The following ROBO1 variants were observed in gnomAD, a reference collection of about 807,000 sequenced individuals.
ROBO1 encodes roundabout guidance receptor 1, also known as roundabout homolog 1.
In ROBO1, 149 loss-of-function variants were observed where a neutral mutation model predicts 195.9. The observed-to-expected ratio is 0.76, with a 90% CI of 0.67 to 0.87. ROBO1 has a LOEUF of 0.87. ROBO1 is among the 40% of genes least tolerant of loss of function. The probability of loss-of-function intolerance (pLI) is 0.00; values close to 1 mark genes in which losing one functional copy is unlikely to be tolerated. For missense variants in ROBO1, 1,933 were observed against 2,068.3 expected, an observed-to-expected ratio of 0.93 and a Z score of 1.27; for synonymous variants, 816 against 733.2, an observed-to-expected ratio of 1.11 and a Z score of -1.82.
intron 19 of ROBO1, among the ~76,000 whole-genome samples, chr3:78,650,776 A>G (rs1706597110): frequency 6.6e-6 from 1 of 152,200 alleles, no homozygotes; most frequent in Non-Finnish European, 1.5e-5. Flanking sequence ...TAATTTGTAT[A>G]ATCTGCCATT....
At chr3:78,906,389 T>C (rs2037921713) in intron 4 of ROBO1, among the ~76,000 whole-genome samples, 1 of 152,254 alleles carries the variant, frequency 6.6e-6, no homozygotes, top group East Asian at 1.9e-4. Flanking sequence ...AAAACCATCC[T>C]GACAGCCACT....
chr3:79,285,533 A>G (rs1260155528), intron 2 of ROBO1, among the ~76,000 whole-genome samples: 2 of 152,216 alleles, frequency 1.3e-5, no homozygotes, highest in African/African-American at 2.4e-5. Flanking sequence ...CTTGCCTGGT[A>G]TCCAGAGGCA....
At chr3:79,350,718 G>A (rs527429890) in intron 2 of ROBO1, among the ~76,000 whole-genome samples, 19 of 152,238 alleles carry the variant, frequency 1.2e-4, no homozygotes, top group Non-Finnish European at 8.8e-5. Context: ...TCATTTCTAC[G>A]AAGGGTTCAG....
intron 1 of ROBO1, among the ~76,000 whole-genome samples, chr3:79,716,426 C>T (rs188591996): frequency 1.3e-5 from 2 of 151,922 alleles, no homozygotes; most frequent in East Asian, 3.9e-4. Flanking sequence ...AGTTTTCAGA[C>T]TAGGTTTTAG....
intron 1 of ROBO1, among the ~76,000 whole-genome samples, chr3:79,718,835 A>G (rs979964524): frequency 2.0e-5 from 3 of 152,092 alleles, no homozygotes; most frequent in African/African-American, 7.2e-5. Flanking sequence ...TTATATATTT[A>G]TGGCTAAAAC....
chr3:79,172,364 C>G (rs1213876283), intron 2 of ROBO1, among the ~76,000 whole-genome samples: 1 of 152,044 alleles, frequency 6.6e-6, no homozygotes, highest in Non-Finnish European at 1.5e-5. Flanking sequence ...AAAAGTAAAA[C>G]ATTTTTATTG....
intron 1 of ROBO1, among the ~76,000 whole-genome samples, chr3:79,622,381 G>T (rs1339352902): frequency 2.0e-5 from 3 of 152,172 alleles, no homozygotes; most frequent in East Asian, 1.9e-4. Flanking sequence ...GGAACTCCTT[G>T]GGGGAGGGGT....
chr3:79,085,003 A>G (rs1190789248), intron 3 of ROBO1, among the ~76,000 whole-genome samples: 1 of 152,210 alleles, frequency 6.6e-6, no homozygotes, highest in African/African-American at 2.4e-5. Context: ...ATTTATAGCA[A>G]GCAATATTAG....
chr3:79,725,007 T>C (rs886143613), intron 1 of ROBO1, among the ~76,000 whole-genome samples: 11 of 152,104 alleles, frequency 7.2e-5, no homozygotes, highest in African/African-American at 2.7e-4. Flanking sequence ...CCTTGTAAGC[T>C]ATAGAAAGAT....
chr3:78,711,475 TTCTC>T (rs1264085792), intron 8 of ROBO1, among the ~76,000 whole-genome samples: 3 of 129,220 alleles, frequency 2.3e-5, no homozygotes, highest in African/African-American at 5.5e-5. Flanking sequence ...TTTTCTCTCT[TTCTC>T]TCTCTCTCTT....
chr3:79,355,554 T>C (rs1361796509), intron 2 of ROBO1, among the ~76,000 whole-genome samples: 1 of 152,164 alleles, frequency 6.6e-6, no homozygotes, highest in Non-Finnish European at 1.5e-5. Context: ...AATCTGTCAC[T>C]ATTCCTCCCT....
intron 4 of ROBO1, among the ~76,000 whole-genome samples, chr3:78,896,975 G>T (rs1407743688): frequency 6.6e-6 from 1 of 152,128 alleles, no homozygotes; most frequent in Non-Finnish European, 1.5e-5. Context: ...ATAGCAAGAG[G>T]TGAGAAAATG....
chr3:79,307,633 G>A (rs1318075166), intron 2 of ROBO1, among the ~76,000 whole-genome samples: 2 of 151,826 alleles, frequency 1.3e-5, no homozygotes, highest in Non-Finnish European at 2.9e-5. Flanking sequence ...TAAATGTTAT[G>A]GTTCTTATTA....
intron 3 of ROBO1, among the ~76,000 whole-genome samples, chr3:79,093,131 C>G (rs1000790532): frequency 6.6e-6 from 1 of 151,962 alleles, no homozygotes; most frequent in Non-Finnish European, 1.5e-5. Flanking sequence ...CTGTTTTTTG[C>G]CTTTTTGGTC....
intron 4 of ROBO1, among the ~76,000 whole-genome samples, chr3:78,747,418 A>G (rs1201805360): frequency 6.6e-6 from 1 of 150,486 alleles, no homozygotes; most frequent in Non-Finnish European, 1.5e-5. Context: ...TTATATAATC[A>G]TCATAATTTA....
chr3:79,356,461 C>A (rs527901182), intron 2 of ROBO1, among the ~76,000 whole-genome samples: 32 of 152,310 alleles, frequency 2.1e-4, no homozygotes, highest in African/African-American at 7.2e-4. Context: ...AGGCACAATT[C>A]ATTAATAGAG....
Position 78,925,316 on chromosome 3 carries a change from C to T in ROBO1, c.499+13285G>A, listed in dbSNP as rs368493027. ...TTATAGTCAAATTTTATCATCTGAG[C>T]TAATGATCAGAATATGTATTAAATA... On this transcript the variant is annotated intron_variant, in intron 4 of 30. Coordinates refer to ENST00000464233, the MANE Select transcript of ROBO1 (RefSeq NM_002941.4). Among the ~76,000 whole-genome samples the T allele has an allele frequency of 2.0e-5, 3 of 152,116 alleles. No individual in the cohort carries two copies. The South Asian group carries it at 6.2e-4, about 31-fold the overall frequency.
At chr3:79,537,961 A>C (rs1294428229) in intron 2 of ROBO1, among the ~76,000 whole-genome samples, 2 of 152,156 alleles carry the variant, frequency 1.3e-5, no homozygotes, top group African/African-American at 4.8e-5. Context: ...GAAAAAAATA[A>C]TTGCAAAAAT....
intron 2 of ROBO1, among the ~76,000 whole-genome samples, chr3:79,540,450 G>A (rs1432750128): frequency 6.6e-6 from 1 of 152,008 alleles, no homozygotes; most frequent in Non-Finnish European, 1.5e-5. Context: ...CTAACTCTCT[G>A]ACTGTGTAAT....
Sources: gnomAD v4.1 joint callset for allele counts (sites outside exome capture counted in the v4.1 genomes callset) on GRCh38, gnomAD v4.1.1 for gene constraint, MANE v1.5 for transcripts, NCBI Gene and HGNC (gene_info 2026-07-23, HGNC 2026-07-21) for gene names.